The following AADACL4 variants were observed in gnomAD, a reference collection of about 807,000 sequenced individuals.
AADACL4 encodes arylacetamide deacetylase-like 4.
In AADACL4, 9 loss-of-function variants were observed where a neutral mutation model predicts 14.1. The ratio of observed to expected loss-of-function variants is 0.64; its 90% CI spans 0.39 to 1.12. AADACL4 has a LOEUF of 1.12. AADACL4 is among the 50% of genes most tolerant of loss of function. AADACL4 has a pLI of 0.01. For synonymous variants in AADACL4, 188 were observed against 201.6 expected (o/e 0.93, Z 0.57); for missense variants, 531 against 516.1 (o/e 1.03, Z -0.28).
intron 2 of AADACL4, among the ~76,000 whole-genome samples, chr1:12,658,112 C>CTTCT (rs1647195442): frequency 8.9e-4 from 53 of 59,846 alleles, no homozygotes; most frequent in African/African-American, 4.4e-3. Flanking sequence ...TCTTTCTTTC[C>CTTCT]TTCCTTCCTT....
At chr1:12,665,537 T>A (rs1230279034) in intron 3 of AADACL4, among the ~76,000 whole-genome samples, 1 of 150,888 alleles carries the variant, frequency 6.6e-6, no homozygotes, top group Non-Finnish European at 1.5e-5. Flanking sequence ...GATTTTTGAT[T>A]AAAAAAAAAA....
chr1:12,656,833 T>C (rs989967902), intron 2 of AADACL4, among the ~76,000 whole-genome samples: 2 of 152,074 alleles, frequency 1.3e-5, no homozygotes, highest in Non-Finnish European at 2.9e-5. Flanking sequence ...GGGAGGACCA[T>C]GGTGCCTCAA....
intron 2 of AADACL4, among the ~76,000 whole-genome samples, chr1:12,656,302 C>T (rs150361433): frequency 1.5e-3 from 227 of 152,314 alleles, no homozygotes; most frequent in African/African-American, 5.2e-3. Flanking sequence ...GCTGCCTCAG[C>T]ATCCAGGCAT....
intron 3 of AADACL4, among the ~76,000 whole-genome samples, chr1:12,664,933 A>G (rs1161128173): frequency 1.3e-5 from 2 of 152,168 alleles, no homozygotes; most frequent in African/African-American, 4.8e-5. Context: ...AAACCTCAGG[A>G]TACTGAAGAC....
rs373989355 is a variant in AADACL4, at chr1:12,644,466, G to GGT, written c.-80_-79insTG. ...GAGAGAGTGAGGTGGAGGAGGCGGA[G>GGT]GGTGTAACCCAGCCAGGTCCTCTTC... is the stretch of plus-strand genomic sequence containing the variant. On this transcript the variant is annotated 5_prime_UTR_variant, in exon 1 of 4. Transcript: ENST00000376221. 0.018 allele frequency: 27,409 copies of GGT among 1,505,962 alleles called. 604 individuals are homozygous for GGT. Among genetic ancestry groups the GGT allele is most frequent in the South Asian group, 0.073 (5,849 of 79,600 alleles). 93.3% of individuals were successfully genotyped at this position (1,505,962 alleles called of 1,614,324 possible). A position where few individuals can be genotyped will look rare whatever the true frequency, so the allele number is the denominator to read the frequency against.
At chr1:12,654,248 G>A (rs1332803510) in intron 2 of AADACL4, among the ~76,000 whole-genome samples, 2 of 152,164 alleles carry the variant, frequency 1.3e-5, no homozygotes, top group East Asian at 3.8e-4. Flanking sequence ...TTGGTTTTTG[G>A]ACAGGAAAGA....
At chr1:12,648,012 C>T (rs1416119988) in intron 1 of AADACL4, among the ~76,000 whole-genome samples, 1 of 152,164 alleles carries the variant, frequency 6.6e-6, no homozygotes, top group African/African-American at 2.4e-5. Flanking sequence ...GTCACCCAGG[C>T]TGGAGTGCAG....
intron 2 of AADACL4, 47 bp downstream of exon 2, chr1:12,651,386 T>C: frequency 1.3e-6 from 2 of 1,589,002 alleles, no homozygotes; most frequent in Middle Eastern, 1.9e-4. Flanking sequence ...CTCATCTGCA[T>C]GCATAGCCTA....
At chr1:12,646,462 G>A (rs928722543) in intron 1 of AADACL4, among the ~76,000 whole-genome samples, 4 of 152,176 alleles carry the variant, frequency 2.6e-5, no homozygotes, top group Admixed American at 2.0e-4. Flanking sequence ...GTGTGCAGTG[G>A]CATCAATGCC....
chr1:12,658,971 G>A (rs763647077), intron 2 of AADACL4, among the ~76,000 whole-genome samples: 17 of 152,152 alleles, frequency 1.1e-4, no homozygotes, highest in Non-Finnish European at 2.1e-4. Context: ...TTTTTGAATT[G>A]AATGAATGAA....
At chr1:12,651,459 T>C in intron 2 of AADACL4, 120 bp downstream of exon 2, 1 of 1,084,328 alleles carries the variant, frequency 9.2e-7, no homozygotes, top group Non-Finnish European at 1.3e-6. Flanking sequence ...TGGAGATTTT[T>C]ATAGCGTTAA....
chr1:12,651,410 G>T, intron 2 of AADACL4, 71 bp downstream of exon 2: 4 of 1,477,444 alleles, frequency 2.7e-6, no homozygotes, highest in Non-Finnish European at 2.8e-6. Context: ...CATGCCTCCC[G>T]CAAGAACCCT....
At chr1:12,652,605 T>A (rs1647155642) in intron 2 of AADACL4, among the ~76,000 whole-genome samples, 1 of 152,192 alleles carries the variant, frequency 6.6e-6, no homozygotes, top group African/African-American at 2.4e-5. Context: ...GGAAGTGGGA[T>A]GGACTCAAGA....
chr1:12,649,457 C>A (rs559942567), intron 1 of AADACL4, among the ~76,000 whole-genome samples: 2 of 152,294 alleles, frequency 1.3e-5, no homozygotes, highest in East Asian at 3.9e-4. Context: ...CATGCTGGTA[C>A]AACATAGAGG....
chr1:12,665,997 T>C lies in AADACL4; in HGVS notation c.486T>C (p.Leu162=). ...RKLPDHHSPA[L]FQDCMNASIH... The stretch of plus-strand genomic sequence containing the variant: ...TTCCTGACCACCATTCCCCTGCCCT[T>C]TTCCAAGACTGCATGAATGCCTCCA... Residue 162 remains leucine (L), a synonymous_variant, in exon 4 of 4, where the codon CTT becomes CTC. Transcript: ENST00000376221. The C allele has an allele frequency of 1.2e-6, 2 of 1,613,092 alleles. No individual in the cohort carries two copies. Among genetic ancestry groups the C allele is most frequent in the Non-Finnish European group, 1.7e-6 (2 of 1,179,270 alleles).
intron 1 of AADACL4, among the ~76,000 whole-genome samples, chr1:12,648,903 G>A (rs976981329): frequency 1.3e-5 from 2 of 152,138 alleles, no homozygotes; most frequent in South Asian, 4.1e-4. Flanking sequence ...TAAACTTTCC[G>A]GGGTAGCGCG....
intron 2 of AADACL4, 147 bp from the exon 3 acceptor site, chr1:12,661,644 C>T (rs1647230320): frequency 1.2e-6 from 1 of 813,512 alleles, no homozygotes. Flanking sequence ...GGTTTTTTGG[C>T]TCTGTCCAGG....
Position 12,666,258 on chromosome 1 carries a change from G to A in AADACL4, c.747G>A (p.Met249Ile). Reference sequence around the variant, plus strand: ...TCCCATTACTTTCCCGGAAGTTCATGGTGACTTCTCTGTGTAACTATCTGG... The same window carrying A: ...TCCCATTACTTTCCCGGAAGTTCATAGTGACTTCTCTGTGTAACTATCTGG... ...QNVPLLSRKF[M>I]VTSLCNYLAI... is the part of the protein sequence containing the mutation. The change falls in exon 4 of 4, where the codon ATG (methionine) becomes ATA (isoleucine). Residue 249 changes from methionine (M) to isoleucine (I), a missense_variant. Coordinates refer to ENST00000376221, the MANE Select transcript of AADACL4 (RefSeq NM_001013630.2). The A allele has an allele frequency of 1.9e-6, 3 of 1,614,244 alleles. No individual in the cohort carries two copies. The highest frequency in any genetic ancestry group is 2.5e-6 in the Non-Finnish European group (3 of 1,180,048).
chr1:12,649,617 G>A (rs962961845), intron 1 of AADACL4, among the ~76,000 whole-genome samples: 1 of 152,164 alleles, frequency 6.6e-6, no homozygotes, highest in South Asian at 2.1e-4. Context: ...GAACCGATTG[G>A]GGTAGTCCGT....
Sources: gnomAD v4.1 joint callset for allele counts (sites outside exome capture counted in the v4.1 genomes callset) on GRCh38, gnomAD v4.1.1 for gene constraint, MANE v1.5 for transcripts, NCBI Gene and HGNC (gene_info 2026-07-23, HGNC 2026-07-21) for gene names.